Variants in IQSEC2 observed in about 807,000 individuals in gnomAD.
The protein encoded by IQSEC2 is IQ motif and SEC7 domain-containing protein 2.
A neutral mutation model predicts 74.6 loss-of-function variants in IQSEC2; 6 were observed. The observed-to-expected ratio is 0.08, with a 90% CI of 0.04 to 0.16. The LOEUF (loss-of-function observed/expected upper bound fraction) is 0.16, where lower values mean the gene tolerates loss of function less well. IQSEC2 is among the 10% of genes least tolerant of loss of function. IQSEC2 has a pLI of 1.00. For missense variants in IQSEC2, 734 were observed against 1,306.2 expected (o/e 0.56, Z 6.75); for synonymous variants, 494 against 544.5 (o/e 0.91, Z 1.29).
At chrX:53,266,006 C>G (rs1353073693) in intron 2 of IQSEC2, among the ~76,000 whole-genome samples, 1 of 112,359 alleles carries the variant, frequency 8.9e-6, no homozygotes, top group Admixed American at 9.4e-5. Flanking sequence ...ATTAAATTCA[C>G]ATAATCATAG....
At chrX:53,263,577 A>G (rs2074603004) in intron 2 of IQSEC2, among the ~76,000 whole-genome samples, 1 of 110,269 alleles carries the variant, frequency 9.1e-6, no homozygotes, top group Non-Finnish European at 1.9e-5. Flanking sequence ...AACCAAGCCC[A>G]TGCTCATACT....
chrX:53,320,372 G>A (rs2075416820), intron 1 of IQSEC2, 45 bp downstream of exon 1: 1 of 1,051,261 alleles, frequency 9.5e-7, no homozygotes, highest in Non-Finnish European at 1.3e-6. Context: ...AAGTTGGAGA[G>A]GGATCTAGAG....
chrX:53,239,479 C>T (rs1556860447), intron 10 of IQSEC2, 185 bp from the exon 11 acceptor site: 3 of 412,290 alleles, frequency 7.3e-6, no homozygotes, highest in South Asian at 6.8e-5. Flanking sequence ...TGGAAGAAAA[C>T]GCAAGTTCCT....
chrX:53,258,868 CAAAACCCA>C (rs1556865845), intron 2 of IQSEC2, among the ~76,000 whole-genome samples: 11 of 22,744 alleles, frequency 4.8e-4, no homozygotes, highest in Non-Finnish European at 1.1e-3. Flanking sequence ...AACAAACAAA[CAAAACCCA>C]CCACCACCAC....
At chrX:53,309,585 G>T (rs1306382725) in intron 1 of IQSEC2, among the ~76,000 whole-genome samples, 3 of 111,621 alleles carry the variant, frequency 2.7e-5, no homozygotes, top group Non-Finnish European at 5.6e-5. Context: ...CTAACCCCTT[G>T]GTTCCTCACA....
At chrX:53,273,212 C>T (rs1197775554) in intron 2 of IQSEC2, among the ~76,000 whole-genome samples, 1 of 109,956 alleles carries the variant, frequency 9.1e-6, no homozygotes, top group Non-Finnish European at 1.9e-5. Context: ...AAAGCTAGCA[C>T]TCTTCCAAGA....
At chrX:53,304,987 C>G (rs782517668) in intron 1 of IQSEC2, among the ~76,000 whole-genome samples, 1 of 107,273 alleles carries the variant, frequency 9.3e-6, no homozygotes, top group East Asian at 2.9e-4. Flanking sequence ...GGTGCAATCT[C>G]GGCTCACTGC....
chrX:53,277,020 G>A (rs1325003157), intron 2 of IQSEC2, among the ~76,000 whole-genome samples: 1 of 110,797 alleles, frequency 9.0e-6, no homozygotes, highest in Non-Finnish European at 1.9e-5. Flanking sequence ...TGTGGCATTA[G>A]GCTATAGTTG....
chrX:53,260,733 T>C (rs1556866349), intron 2 of IQSEC2, among the ~76,000 whole-genome samples: 1 of 111,615 alleles, frequency 9.0e-6, no homozygotes, highest in Non-Finnish European at 1.9e-5. Context: ...CTCTAATTCC[T>C]AGGGCAAAGG....
Position 53,234,341 on chromosome X carries a change from G to A in IQSEC2, c.4345C>T (p.His1449Tyr). 2.9e-6 allele frequency: 1 copy of A among 350,394 alleles called. No homozygotes were observed. Among genetic ancestry groups the A allele is most frequent in the East Asian group, 8.6e-5 (1 of 11,643 alleles). 28.9% of individuals were successfully genotyped at this position (350,394 alleles called of 1,213,427 possible). A position where few individuals can be genotyped will look rare whatever the true frequency, so the allele number is the denominator to read the frequency against. Reference protein sequence around the residue: ...PLPPPSPHTPHSPLPPTSPHG... With the variant: ...PLPPPSPHTPYSPLPPTSPHG... The stretch of plus-strand genomic sequence containing the variant: ...GGGGAGGTGGGTGGAAGGGGTGAGT[G>A]CGGGGTGTGAGGGGAGGGTGGGGGG... Residue 1449 changes from histidine to tyrosine, a missense_variant, in exon 15 of 15, where the codon CAC becomes TAC. Transcript: ENST00000642864.
At chrX:53,252,829 TAACAGATATACTTCCCC>T (rs1327852131) in intron 4 of IQSEC2, among the ~76,000 whole-genome samples, 1 of 112,123 alleles carries the variant, frequency 8.9e-6, no homozygotes, top group Non-Finnish European at 1.9e-5. Context: ...CAGCAACAGA[TAACAGATATACTTCCCC>T]ATCAGACTTC....
At chrX:53,272,879 T>C (rs2147211840) in intron 2 of IQSEC2, among the ~76,000 whole-genome samples, 1 of 111,691 alleles carries the variant, frequency 9.0e-6, no homozygotes, top group Admixed American at 9.5e-5. Context: ...TCCAATTCAA[T>C]GCTACACAGT....
rs137865482 is a variant in IQSEC2 at position 53,257,605 on chromosome X, G to A, written c.738-1544C>T. On this transcript the variant is annotated intron_variant, in intron 2 of 14. Coordinates refer to ENST00000642864, the MANE Select transcript of IQSEC2 (RefSeq NM_001111125.3). Reference sequence around the variant, plus strand: ...TCTCAAACCTCCCCTCCCAGCACACGGCTCAAGCCCAGTTTTGATCAACTG... The same window carrying A: ...TCTCAAACCTCCCCTCCCAGCACACAGCTCAAGCCCAGTTTTGATCAACTG... Among the ~76,000 whole-genome samples, 278 of 110,516 alleles carry A rather than the reference G, an allele frequency of 2.5e-3. 2 individuals are homozygous for A. Among genetic ancestry groups the A allele is most frequent in the Middle Eastern group, 4.6e-3 (1 of 217 alleles).
chrX:53,275,226 C>T lies in IQSEC2; in HGVS notation c.737+16669G>A, dbSNP rs1229868189. Reference sequence around the variant, plus strand: ...AGGCTGGAGGGCTGGAGTGCAGTGGCGAGATCTCAGCTCACTGCATCCTCC... The same window carrying T: ...AGGCTGGAGGGCTGGAGTGCAGTGGTGAGATCTCAGCTCACTGCATCCTCC... On this transcript the variant is annotated intron_variant, in intron 2 of 14. Coordinates refer to ENST00000642864, the MANE Select transcript of IQSEC2 (RefSeq NM_001111125.3). Among the ~76,000 whole-genome samples, 3 of 109,773 alleles carry T rather than the reference C, an allele frequency of 2.7e-5. No individual in the cohort carries two copies. The Admixed American group carries it at 2.9e-4, about 11-fold the overall frequency.
At chrX:53,236,276 C>T in intron 13 of IQSEC2, 46 bp downstream of exon 13, 1 of 1,161,336 alleles carries the variant, frequency 8.6e-7, no homozygotes, top group South Asian at 1.9e-5. Flanking sequence ...AAGAGGACAC[C>T]CGGTCCCGTG....
chrX:53,276,083 T>A (rs897372021), intron 2 of IQSEC2, among the ~76,000 whole-genome samples: 35 of 111,451 alleles, frequency 3.1e-4, no homozygotes, highest in African/African-American at 9.8e-4. Context: ...ATCACTCAAA[T>A]CCCAAAGAAA....
chrX:53,300,277 G>A (rs1569332282), intron 1 of IQSEC2, among the ~76,000 whole-genome samples: 2 of 111,436 alleles, frequency 1.8e-5, no homozygotes, highest in Non-Finnish European at 3.8e-5. Context: ...AGAGAAATAA[G>A]TTTATCCAAC....
chrX:53,310,512 G>A (rs782063988), intron 1 of IQSEC2, among the ~76,000 whole-genome samples: 3 of 111,820 alleles, frequency 2.7e-5, no homozygotes, highest in Non-Finnish European at 3.8e-5. Flanking sequence ...GCCATCCTGC[G>A]GGTTGGGGTG....
chrX:53,266,912 G>A (rs2074668753), intron 2 of IQSEC2: 3 of 1,131,788 alleles, frequency 2.7e-6, no homozygotes, highest in Middle Eastern at 3.3e-4. Flanking sequence ...GGGGGAAGGA[G>A]GGGCTGGTTA....
Sources: gnomAD v4.1 joint callset for allele counts (sites outside exome capture counted in the v4.1 genomes callset) on GRCh38, gnomAD v4.1.1 for gene constraint, MANE v1.5 for transcripts, NCBI Gene and HGNC (gene_info 2026-07-23, HGNC 2026-07-21) for gene names.